The following NRG1 variants were observed in gnomAD, a reference collection of about 807,000 sequenced individuals.
NRG1 encodes the protein neuregulin 1, also known as pro-neuregulin-1, membrane-bound isoform.
NRG1 carries 18 observed loss-of-function variants against 63.8 expected under a neutral mutation model. The observed-to-expected ratio is 0.28, with a 90% CI of 0.19 to 0.42. The LOEUF is 0.42. Ranked by LOEUF, NRG1 falls within the 10% of genes least tolerant of loss-of-function variation. NRG1 has a pLI of 1.00. For missense variants in NRG1, 762 were observed against 814.7 expected (o/e 0.94, Z 0.79); for synonymous variants, 302 against 301.3 (o/e 1.00, Z -0.02).
At chr8:32,222,333 C>T (rs1222572192) in intron 1 of NRG1, among the ~76,000 whole-genome samples, 1 of 151,990 alleles carries the variant, frequency 6.6e-6, no homozygotes, top group Non-Finnish European at 1.5e-5. Flanking sequence ...TTAACTCCTT[C>T]CTTCTCTGCC....
intron 1 of NRG1, among the ~76,000 whole-genome samples, chr8:31,879,981 C>G (rs529143890): frequency 1.3e-5 from 2 of 152,218 alleles, no homozygotes; most frequent in African/African-American, 4.8e-5. Flanking sequence ...TAGGTTGATT[C>G]CATATCTTTG....
intron 1 of NRG1, among the ~76,000 whole-genome samples, chr8:32,535,135 C>G (rs1831829886): frequency 6.6e-6 from 1 of 151,914 alleles, no homozygotes. Context: ...AATATTTTAC[C>G]CTGTTTTTGT....
At chr8:31,951,753 C>T (rs1006480370) in intron 1 of NRG1, among the ~76,000 whole-genome samples, 10 of 152,178 alleles carry the variant, frequency 6.6e-5, no homozygotes, top group Non-Finnish European at 1.2e-4. Flanking sequence ...TCCTTGCCAT[C>T]GAAGTTCCCT....
intron 1 of NRG1, among the ~76,000 whole-genome samples, chr8:32,047,369 A>G (rs1380875927): frequency 6.6e-6 from 1 of 152,110 alleles, no homozygotes; most frequent in Non-Finnish European, 1.5e-5. Flanking sequence ...CCCCTATAAA[A>G]AGATAAAGGC....
rs544413898 is a variant in NRG1 at position 32,614,690 on chromosome 8, A to G, written c.451+126A>G. On this transcript the variant is annotated intron_variant, in intron 4 of 11. Coordinates refer to ENST00000356819, the Ensembl canonical transcript of NRG1. ...TCAGCTGCTCTTGTTTTCTGCTTCAATATTTTTCTCAACCTTGTTCTGTCT... is the reference window on the plus strand; with the variant it reads ...TCAGCTGCTCTTGTTTTCTGCTTCAGTATTTTTCTCAACCTTGTTCTGTCT... The G allele has an allele frequency of 4.1e-4, 348 of 841,204 alleles. 4 individuals are homozygous for G. The highest frequency in any genetic ancestry group is 1.9e-3 in the South Asian group (113 of 59,260). The allele number at this position is 841,204 out of a possible 1,614,324, so 52.1% of individuals were successfully genotyped here. A position where few individuals can be genotyped will look rare whatever the true frequency, so the allele number is the denominator to read the frequency against.
rs118184169 is a variant in NRG1 at position 32,406,171 on chromosome 8, C to T, written c.38-189657C>T. Among the ~76,000 whole-genome samples, 631 of 152,248 alleles carry T rather than the reference C, an allele frequency of 4.1e-3. 3 individuals are homozygous for T. The highest frequency in any genetic ancestry group is 5.6e-3 in the Non-Finnish European group (383 of 68,024). Reference sequence around the variant, plus strand: ...CAAGCCCCCTAACTTCCCTAAACTTCAGTGCCCTCATCTTAAATATAATGA... The same window carrying T: ...CAAGCCCCCTAACTTCCCTAAACTTTAGTGCCCTCATCTTAAATATAATGA... On this transcript the variant is annotated intron_variant, in intron 1 of 10. Transcript: ENST00000519301.
rs532670778 is a variant in NRG1 at position 31,688,436 on chromosome 8, T to G, written c.37+49005T>G. 3.9e-5 allele frequency among the ~76,000 whole-genome samples: 6 copies of G among 152,274 alleles called. No homozygotes were observed. The East Asian group carries it at 1.2e-3, about 29-fold the overall frequency. On this transcript the variant is annotated intron_variant, in intron 1 of 10. Transcript: ENST00000519301. Reference sequence around the variant, plus strand: ...TGCTGGTACCTTGATCTTGGACCTCTCAGTCTCCAGAGCCATGAGAATTGA... The same window carrying G: ...TGCTGGTACCTTGATCTTGGACCTCGCAGTCTCCAGAGCCATGAGAATTGA...
rs1169241682 is a variant in NRG1 at position 32,677,829 on chromosome 8, C to A, written c.503-50120C>A. Among the ~76,000 whole-genome samples, 3 of 152,052 alleles carry A rather than the reference C, an allele frequency of 2.0e-5. 1 individual carries two copies. ...AGCCTTTCCTTCCAATTTGCCATAC[C>A]CCCACAAATCGCACTTATAAAGTCA... On this transcript the variant is annotated intron_variant, in intron 5 of 11. Coordinates refer to ENST00000356819, the Ensembl canonical transcript of NRG1.
At chr8:31,910,182 A>G (rs945814465) in intron 1 of NRG1, among the ~76,000 whole-genome samples, 3 of 152,356 alleles carry the variant, frequency 2.0e-5, no homozygotes, top group Non-Finnish European at 4.4e-5. Context: ...ATAGGAAAGA[A>G]TGTTCCAGGC....
intron 1 of NRG1, among the ~76,000 whole-genome samples, chr8:31,786,588 T>C (rs903806015): frequency 6.6e-6 from 1 of 152,214 alleles, no homozygotes; most frequent in Non-Finnish European, 1.5e-5. Flanking sequence ...GCGTCTGTGC[T>C]TCCAGCCAGC....
chr8:31,894,550 TTTC>T (rs1831410916), intron 1 of NRG1, among the ~76,000 whole-genome samples: 22 of 134,596 alleles, frequency 1.6e-4, no homozygotes, highest in Admixed American at 4.8e-4. Context: ...TTCTTTCTTT[TTTC>T]TTTTTTTTTT....
intron 1 of NRG1, among the ~76,000 whole-genome samples, chr8:32,086,269 A>G (rs1241525932): frequency 1.3e-5 from 2 of 152,228 alleles, no homozygotes; most frequent in East Asian, 1.9e-4. Context: ...TTAAAAATAT[A>G]TATGTATTTT....
chr8:31,670,348 C>T (rs1807000260), intron 1 of NRG1, among the ~76,000 whole-genome samples: 2 of 152,090 alleles, frequency 1.3e-5, no homozygotes, highest in Non-Finnish European at 2.9e-5. Flanking sequence ...CACTGCAGGC[C>T]TTCCTTTTTA....
intron 1 of NRG1, among the ~76,000 whole-genome samples, chr8:32,329,523 A>G (rs1417043337): frequency 6.6e-6 from 1 of 152,168 alleles, no homozygotes; most frequent in Non-Finnish European, 1.5e-5. Context: ...AAGGCAGTTG[A>G]TTGATAAATG....
At chr8:31,790,066 T>C (rs1820552822) in intron 1 of NRG1, among the ~76,000 whole-genome samples, 1 of 152,142 alleles carries the variant, frequency 6.6e-6, no homozygotes. Flanking sequence ...ACAAGGCTTG[T>C]GTTAGGTGAG....
chr8:32,080,764 C>CGTGCGT (rs1431731603), intron 1 of NRG1, among the ~76,000 whole-genome samples: 7 of 148,728 alleles, frequency 4.7e-5, no homozygotes, highest in Admixed American at 1.4e-4. Context: ...TGTGTGTGTG[C>CGTGCGT]GTGTGTGTGT....
At chr8:32,123,076 T>C (rs1198078225) in intron 1 of NRG1, among the ~76,000 whole-genome samples, 1 of 151,968 alleles carries the variant, frequency 6.6e-6, no homozygotes, top group African/African-American at 2.4e-5. Flanking sequence ...GGTATTGAAG[T>C]CCCCATGAGA....
At chr8:32,121,560 A>G (rs1833451459) in intron 1 of NRG1, among the ~76,000 whole-genome samples, 1 of 151,968 alleles carries the variant, frequency 6.6e-6, no homozygotes, top group Admixed American at 6.6e-5. Context: ...TCAAAAGACT[A>G]CTGAGCCATT....
intron 1 of NRG1, among the ~76,000 whole-genome samples, chr8:31,789,799 T>C (rs749842094): frequency 2.0e-5 from 3 of 152,210 alleles, no homozygotes; most frequent in Non-Finnish European, 4.4e-5. Flanking sequence ...ACTTAATGAA[T>C]TTATGTTCAT....
Sources: gnomAD v4.1 joint callset for allele counts (sites outside exome capture counted in the v4.1 genomes callset) on GRCh38, gnomAD v4.1.1 for gene constraint, MANE v1.5 for transcripts, NCBI Gene and HGNC (gene_info 2026-07-23, HGNC 2026-07-21) for gene names.